SPG7: variants seen among roughly 807,000 people sequenced by gnomAD.
The protein encoded by SPG7 is SPG7 matrix AAA peptidase subunit, paraplegin.
In SPG7, 103 loss-of-function variants were observed where a neutral mutation model predicts 81.9. That is an observed-to-expected ratio of 1.26 (90% CI 1.07 to 1.48). The LOEUF is 1.48. Among genes scored for constraint, SPG7 ranks in the 40% most tolerant of loss-of-function variants. The probability of loss-of-function intolerance (pLI) is 0.00; values close to 1 mark genes in which losing one functional copy is unlikely to be tolerated. For synonymous variants in SPG7, 534 were observed against 444.2 expected (o/e 1.20, Z -2.54); for missense variants, 1,241 against 1,087.3 (o/e 1.14, Z -1.99).
chr16:89,513,447 T>C (rs563325736), intron 3 of SPG7, among the ~76,000 whole-genome samples: 125 of 151,006 alleles, frequency 8.3e-4, no homozygotes, highest in African/African-American at 3.0e-3. Context: ...ACCTGGGAGG[T>C]GGAGGTTGCT....
rs969292526 is a variant in SPG7, at chr16:89,544,629, G to A, written c.1325-19G>A. On this transcript the variant is annotated intron_variant, in intron 9 of 16. Coordinates refer to ENST00000645818, the MANE Select transcript of SPG7 (RefSeq NM_003119.4). Reference sequence around the variant, plus strand: ...CAGGACCCCTACCCTCAGAGCCACTGTCTGCTCTGTCCCCTCAGGAATGGG... The same window carrying A: ...CAGGACCCCTACCCTCAGAGCCACTATCTGCTCTGTCCCCTCAGGAATGGG... 6.2e-7 allele frequency: 1 copy of A among 1,613,712 alleles called. No individual in the cohort carries two copies. Among genetic ancestry groups the A allele is most frequent in the Non-Finnish European group, 8.5e-7 (1 of 1,179,740 alleles).
chr16:89,530,511 C>T (rs911856663), intron 6 of SPG7, 172 bp from the exon 7 acceptor site: 3 of 756,408 alleles, frequency 4.0e-6, no homozygotes, highest in Non-Finnish European at 4.7e-6. Flanking sequence ...CATTTCCCTT[C>T]TGTGCTTGAA....
At chr16:89,533,011 A>T in intron 9 of SPG7, 1 of 276,560 alleles carries the variant, frequency 3.6e-6, no homozygotes, top group Non-Finnish European at 7.0e-6. Flanking sequence ...TGGAGGTTGC[A>T]GTGAGCCAAG....
chr16:89,528,204 C>T (rs1477619121), intron 5 of SPG7, among the ~76,000 whole-genome samples: 1 of 151,826 alleles, frequency 6.6e-6, no homozygotes, highest in East Asian at 1.9e-4. Flanking sequence ...TCCTGGCTAA[C>T]ACGACGAAAC....
intron 3 of SPG7, chr16:89,519,808 G>A (rs1052700926): frequency 1.3e-5 from 2 of 152,278 alleles, no homozygotes; most frequent in Admixed American, 6.5e-5. Flanking sequence ...TGTGGCGCTC[G>A]GGGCTGCTGT....
chr16:89,508,719 G>C lies in SPG7; in HGVS notation c.183+119G>C, dbSNP rs773568808. On this transcript the variant is annotated intron_variant, in intron 1 of 16. Transcript: ENST00000645818. Reference sequence around the variant, plus strand: ...GCGGCGGGGGAGCCTGCGCCTGTGGGCCCGCGGATCCCCCAGCTGTGGACC... The same window carrying C: ...GCGGCGGGGGAGCCTGCGCCTGTGGCCCCGCGGATCCCCCAGCTGTGGACC... 1.0e-4 allele frequency: 108 copies of C among 1,061,518 alleles called. No homozygotes were observed. The South Asian group carries it at 1.5e-3, about 14-fold the overall frequency. 65.8% of individuals were successfully genotyped at this position (1,061,518 alleles called of 1,614,324 possible).
intron 7 of SPG7, chr16:89,531,015 G>T: frequency 5.8e-6 from 4 of 689,976 alleles, no homozygotes. Context: ...CAGCCAAGCA[G>T]AGGCTGCCAA....
At chr16:89,515,731 T>TG (rs1401607800) in intron 3 of SPG7, among the ~76,000 whole-genome samples, 8 of 150,584 alleles carry the variant, frequency 5.3e-5, no homozygotes, top group African/African-American at 1.7e-4. Flanking sequence ...TTTTTTGAGA[T>TG]GGGGTCTCGC....
intron 9 of SPG7, among the ~76,000 whole-genome samples, chr16:89,535,490 G>C (rs1345827721): frequency 6.6e-6 from 1 of 152,230 alleles, no homozygotes. Context: ...GTCTCCAGTC[G>C]TCTCTCAACA....
intron 9 of SPG7, chr16:89,540,323 A>G (rs1567922191): frequency 6.6e-6 from 1 of 152,174 alleles, no homozygotes. Flanking sequence ...GATCTGGGCC[A>G]TACGTGTGAT....
At position 89,550,622 on chromosome 16, in the gene SPG7, A is replaced by C; in HGVS notation, c.1779+13A>C. ...GGCCGTGATGAAGGTGGGTCTTGGC[A>C]GGTGCCGGCTCCACGGGCCTTGGCC... On this transcript the variant is annotated intron_variant, in intron 13 of 16. Transcript: ENST00000645818. 1.3e-6 allele frequency: 2 copies of C among 1,593,288 alleles called. No homozygotes were observed. Among genetic ancestry groups the C allele is most frequent in the East Asian group, 4.5e-5 (2 of 44,804 alleles).
At chr16:89,556,547 T>G (rs1186540521) in intron 16 of SPG7, 5 of 383,902 alleles carry the variant, frequency 1.3e-5, no homozygotes, top group Middle Eastern at 8.3e-4. Context: ...CCAGTGCTGC[T>G]CTCCTCAATC....
At chr16:89,519,365 A>C (rs1252411039) in intron 3 of SPG7, 3 of 151,692 alleles carry the variant, frequency 2.0e-5, no homozygotes, top group Non-Finnish European at 2.9e-5. Flanking sequence ...ACTAGAAAAA[A>C]AGCAGTTGCT....
intron 2 of SPG7, among the ~76,000 whole-genome samples, chr16:89,512,540 T>C (rs1194722105): frequency 6.6e-6 from 1 of 152,158 alleles, no homozygotes; most frequent in African/African-American, 2.4e-5. Flanking sequence ...CTTGAACTCC[T>C]GACCTCGTGA....
rs531612462 is a variant in SPG7 at position 89,554,397 on chromosome 16, G to A, written c.2104-89G>A. ...TGTTCCTCCTGGGAGGGGAAAGGCC[G>A]TGTTCCCAGTCTGCCATTTCTTTTC... On this transcript the variant is annotated intron_variant, in intron 15 of 16. Transcript: ENST00000645818. 130 of 871,424 alleles carry A rather than the reference G, an allele frequency of 1.5e-4. 2 individuals carry two copies. Among genetic ancestry groups the A allele is most frequent in the Non-Finnish European group, 1.2e-4 (64 of 536,612 alleles). 54.0% of individuals were successfully genotyped at this position (871,424 alleles called of 1,614,324 possible). A position where few individuals can be genotyped will look rare whatever the true frequency, so the allele number is the denominator to read the frequency against.
At chr16:89,528,083 G>A (rs897402063) in intron 5 of SPG7, among the ~76,000 whole-genome samples, 15 of 151,840 alleles carry the variant, frequency 9.9e-5, no homozygotes, top group African/African-American at 2.9e-4. Context: ...TTCGTAGGCC[G>A]ATGATGGACA....
Position 89,523,994 on chromosome 16 carries a change from C to G in SPG7, c.377-12C>G. 3 of 1,611,490 alleles carry G rather than the reference C, an allele frequency of 1.9e-6. No individual in the cohort carries two copies. Among genetic ancestry groups the G allele is most frequent in the Non-Finnish European group, 2.5e-6 (3 of 1,179,970 alleles). On this transcript the variant is annotated splice_polypyrimidine_tract_variant and intron_variant, in intron 3 of 16. Coordinates refer to ENST00000645818, the MANE Select transcript of SPG7 (RefSeq NM_003119.4). ...GTGTTTGTTTCTCCCTTTTGCTTCT[C>G]TGCCGGCTCAGAGGAGAGGAGACGC...
intron 9 of SPG7, chr16:89,536,933 TG>T (rs1396221928): frequency 1.2e-6 from 2 of 1,613,974 alleles, no homozygotes; most frequent in African/African-American, 2.7e-5. Context: ...CCTTTTTGAG[TG>T]ACTTGAGCCC....
intron 2 of SPG7, among the ~76,000 whole-genome samples, chr16:89,511,272 C>T (rs989160372): frequency 3.3e-5 from 5 of 152,134 alleles, no homozygotes; most frequent in African/African-American, 1.2e-4. Flanking sequence ...GTTTTATATC[C>T]ACACAATCAC....
Sources: gnomAD v4.1 joint callset for allele counts (sites outside exome capture counted in the v4.1 genomes callset) on GRCh38, gnomAD v4.1.1 for gene constraint, MANE v1.5 for transcripts, NCBI Gene and HGNC (gene_info 2026-07-23, HGNC 2026-07-21) for gene names.